Variants in GULP1 observed in about 807,000 individuals in gnomAD.
The protein encoded by GULP1 is GULP PTB domain containing engulfment adaptor 1.
A neutral mutation model predicts 40.9 loss-of-function variants in GULP1; 19 were observed. The observed-to-expected ratio is 0.46, with a 90% confidence interval of 0.32 to 0.68. The LOEUF is 0.68. Ranked by LOEUF, GULP1 falls within the 30% of genes least tolerant of loss-of-function variation. The pLI is 0.03. For missense variants in GULP1, 312 were observed against 362.2 expected, an observed-to-expected ratio of 0.86 and a Z score of 1.12; for synonymous variants, 119 against 117.6, an observed-to-expected ratio of 1.01 and a Z score of -0.08.
intron 4 of GULP1, among the ~76,000 whole-genome samples, chr2:188,498,113 T>G (rs149240108): frequency 1.3e-5 from 2 of 152,036 alleles, no homozygotes; most frequent in South Asian, 2.1e-4. Context: ...CCAGTAGAAA[T>G]TATCTTAGTG....
At chr2:188,344,641 T>C (rs1051974501) in intron 1 of GULP1, among the ~76,000 whole-genome samples, 2 of 152,188 alleles carry the variant, frequency 1.3e-5, no homozygotes, top group African/African-American at 2.4e-5. Flanking sequence ...CAGAATTGAT[T>C]TCAGAACATG....
rs373581365 is a variant in GULP1, at chr2:188,304,546, C to T, written c.-172+12380C>T. ...ATGGGAAGTAATGCGTCTCAACCAC[C>T]ATACTAGCTGAAAAAGTGTGCTGTT... On this transcript the variant is annotated intron_variant, in intron 1 of 11. Transcript: ENST00000409830. Among the ~76,000 whole-genome samples the T allele has an allele frequency of 2.2e-4, 33 of 152,272 alleles. 1 individual carries two copies. The highest frequency in any genetic ancestry group is 7.9e-4 in the African/African-American group (33 of 41,570).
At chr2:188,318,258 G>C (rs2039426129) in intron 1 of GULP1, among the ~76,000 whole-genome samples, 1 of 150,760 alleles carries the variant, frequency 6.6e-6, no homozygotes, top group African/African-American at 2.5e-5. Flanking sequence ...GTGAATCAGA[G>C]TAAGTCTCAT....
At chr2:188,359,470 G>A (rs1343726565) in intron 1 of GULP1, among the ~76,000 whole-genome samples, 1 of 152,016 alleles carries the variant, frequency 6.6e-6, no homozygotes, top group Non-Finnish European at 1.5e-5. Flanking sequence ...CAAACTTTTG[G>A]AAAGCTTTTC....
intron 7 of GULP1, among the ~76,000 whole-genome samples, chr2:188,545,068 AAG>A (rs535479964): frequency 5.9e-5 from 9 of 152,188 alleles, no homozygotes; most frequent in African/African-American, 1.9e-4. Context: ...GGCAAGAAGG[AAG>A]TTGCATAATA....
At chr2:188,314,342 G>C (rs781290360) in intron 1 of GULP1, among the ~76,000 whole-genome samples, 4 of 152,096 alleles carry the variant, frequency 2.6e-5, no homozygotes, top group Non-Finnish European at 5.9e-5. Context: ...ACTTTCTCCT[G>C]TGCAAATTTT....
intron 1 of GULP1, among the ~76,000 whole-genome samples, chr2:188,356,608 C>G (rs1241852946): frequency 6.6e-6 from 1 of 152,036 alleles, no homozygotes. Context: ...AATGACCATG[C>G]TATTCACAAT....
intron 2 of GULP1, among the ~76,000 whole-genome samples, chr2:188,392,221 A>T (rs1207858475): frequency 1.3e-5 from 2 of 151,978 alleles, no homozygotes; most frequent in Non-Finnish European, 2.9e-5. Flanking sequence ...CTGTGAATGC[A>T]CCTGGCCCTG....
intron 2 of GULP1, among the ~76,000 whole-genome samples, chr2:188,453,872 T>C (rs904283321): frequency 6.6e-6 from 1 of 152,206 alleles, no homozygotes; most frequent in African/African-American, 2.4e-5. Flanking sequence ...CATGTGTGAA[T>C]TTTGCTAGTT....
At chr2:188,300,447 A>G (rs1423070277) in intron 1 of GULP1, among the ~76,000 whole-genome samples, 1 of 152,034 alleles carries the variant, frequency 6.6e-6, no homozygotes, top group African/African-American at 2.4e-5. Flanking sequence ...ATATTTGGTT[A>G]TATGGTGTGG....
intron 4 of GULP1, among the ~76,000 whole-genome samples, chr2:188,504,977 T>A (rs1575652228): frequency 6.6e-6 from 1 of 151,700 alleles, no homozygotes; most frequent in African/African-American, 2.4e-5. Flanking sequence ...ATTTTGCTAA[T>A]TTGTTTTATC....
chr2:188,466,538 G>A (rs1426196878), intron 2 of GULP1: 1 of 149,996 alleles, frequency 6.7e-6, no homozygotes, highest in Non-Finnish European at 1.5e-5. Flanking sequence ...TGATCCGCCT[G>A]CCTCGGCCTC....
chr2:188,483,054 C>T (rs1371915766), intron 3 of GULP1, among the ~76,000 whole-genome samples: 2 of 151,662 alleles, frequency 1.3e-5, no homozygotes, highest in Non-Finnish European at 2.9e-5. Context: ...TTTTATTGTT[C>T]TAGGAATTAA....
chr2:188,385,202 A>G (rs967879049), intron 2 of GULP1, among the ~76,000 whole-genome samples: 4 of 152,100 alleles, frequency 2.6e-5, no homozygotes, highest in African/African-American at 9.7e-5. Flanking sequence ...ATTTCCATAC[A>G]TCTTCTGAAA....
At chr2:188,497,525 A>G (rs1416949481) in intron 4 of GULP1, among the ~76,000 whole-genome samples, 1 of 152,036 alleles carries the variant, frequency 6.6e-6, no homozygotes, top group African/African-American at 2.4e-5. Context: ...GTGTTTATCT[A>G]TAGTGAGTAT....
At chr2:188,507,595 A>G (rs964067993) in intron 4 of GULP1, among the ~76,000 whole-genome samples, 2 of 151,866 alleles carry the variant, frequency 1.3e-5, no homozygotes, top group African/African-American at 4.8e-5. Flanking sequence ...TTGAATGAAA[A>G]CAATCAAATT....
intron 7 of GULP1, among the ~76,000 whole-genome samples, chr2:188,560,167 T>A (rs531516550): frequency 6.6e-6 from 1 of 152,346 alleles, no homozygotes; most frequent in African/African-American, 2.4e-5. Flanking sequence ...ATTTCTTTGC[T>A]TATGCATATG....
At chr2:188,486,662 T>C (rs1346322616) in intron 4 of GULP1, among the ~76,000 whole-genome samples, 2 of 152,000 alleles carry the variant, frequency 1.3e-5, no homozygotes, top group South Asian at 2.1e-4. Context: ...TTAATATTCA[T>C]AGTGTAATGA....
intron 1 of GULP1, among the ~76,000 whole-genome samples, chr2:188,362,070 A>G (rs1574725166): frequency 1.3e-5 from 2 of 152,196 alleles, no homozygotes; most frequent in African/African-American, 4.8e-5. Flanking sequence ...TGCATGTCAT[A>G]TACTTCTGCC....
Sources: allele counts gnomAD v4.1 joint callset (sites outside exome capture counted in the v4.1 genomes callset), GRCh38; gene constraint gnomAD v4.1.1; transcripts MANE v1.5; gene names NCBI Gene and HGNC (gene_info 2026-07-23, HGNC 2026-07-21).